Variants in ATIC observed in about 807,000 individuals in gnomAD.
ATIC encodes 5-aminoimidazole-4-carboxamide ribonucleotide formyltransferase/IMP cyclohydrolase, also known as bifunctional purine biosynthesis protein ATIC.
Under a neutral mutation model 72.5 loss-of-function variants are expected in ATIC, and 64 were observed. The ratio of observed to expected loss-of-function variants is 0.88; its 90% CI spans 0.72 to 1.09. The LOEUF (loss-of-function observed/expected upper bound fraction) is 1.09. ATIC is among the 50% of genes least tolerant of loss of function. The pLI is 0.00. For missense variants in ATIC, 787 were observed against 732.4 expected, an observed-to-expected ratio of 1.07 and a Z score of -0.86; for synonymous variants, 281 against 267.1, an observed-to-expected ratio of 1.05 and a Z score of -0.51.
At position 215,326,122 on chromosome 2, in the gene ATIC, G is replaced by T; in HGVS notation, c.515G>T (p.Arg172Leu). 2 of 1,614,008 alleles carry T rather than the reference G, an allele frequency of 1.2e-6. No individual in the cohort carries two copies. The highest frequency in any genetic ancestry group is 1.7e-6 in the Non-Finnish European group (2 of 1,179,948). ...AAGGACACCTCCTTGGAGACTAGAC[G>T]CCAGTTAGCCTTGAAGGTGGGATGC... Reference protein sequence around the residue: ...ESKDTSLETRRQLALKAFTHT... With the variant: ...ESKDTSLETRLQLALKAFTHT... Residue 172 changes from arginine (R) to leucine (L), a missense_variant, in exon 6 of 16, where the codon CGC becomes CTC. Physicochemically the swap from Arg to Leu is moderately radical, Grantham distance 102 (BLOSUM62 -2). Transcript: ENST00000236959.
chr2:215,315,442 G>C (rs1056970408), intron 2 of ATIC, among the ~76,000 whole-genome samples: 26 of 152,026 alleles, frequency 1.7e-4, no homozygotes, highest in African/African-American at 5.8e-4. Context: ...TTGCAGCCTC[G>C]ATCTCCCAGG....
the ATIC span, among the ~76,000 whole-genome samples, chr2:215,354,945 G>C: frequency 1.3e-5 from 2 of 152,090 alleles, no homozygotes; most frequent in Non-Finnish European, 2.9e-5. Flanking sequence ...GGACAGGATT[G>C]AATGAACCCC....
At chr2:215,312,301 G>A in intron 1 of ATIC, 140 bp downstream of exon 1, 1 of 1,448,532 alleles carries the variant, frequency 6.9e-7, no homozygotes. Flanking sequence ...TCCCCGGCCG[G>A]GCCGCAGCCT....
At chr2:215,360,397 A>G in the ATIC span, 1 of 152,218 alleles carries the variant, frequency 6.6e-6, no homozygotes, top group African/African-American at 2.4e-5. Flanking sequence ...GATGGGGGTT[A>G]TCATACCATG....
chr2:215,330,885 T>G (rs2052885238), intron 7 of ATIC, among the ~76,000 whole-genome samples: 1 of 152,148 alleles, frequency 6.6e-6, no homozygotes, highest in Admixed American at 6.6e-5. Flanking sequence ...TGTCAGATAG[T>G]TGGGATCATA....
rs2052821569 is a variant in ATIC at position 215,326,097 on chromosome 2, A to T, written c.490A>T (p.Lys164Ter). The part of the protein sequence containing the change: ...VSTEMQSSES[K>*]DTSLETRRQL... Reference sequence around the variant, plus strand: ...CACGGAGATGCAGAGCTCCGAGAGTAAGGACACCTCCTTGGAGACTAGACG... The same window carrying T: ...CACGGAGATGCAGAGCTCCGAGAGTTAGGACACCTCCTTGGAGACTAGACG... Residue 164 changes from lysine (K) to a stop codon, truncating the protein, a stop_gained, in exon 6 of 16, where the codon AAG (lysine) becomes TAG (stop). Transcript: ENST00000236959. LOFTEE classifies it high-confidence loss of function. 2 of 1,614,114 alleles carry T rather than the reference A, an allele frequency of 1.2e-6. No homozygotes were observed. Among genetic ancestry groups the T allele is most frequent in the Non-Finnish European group, 8.5e-7 (1 of 1,180,002 alleles).
At chr2:215,342,017 TC>T (rs11352914) in intron 12 of ATIC, among the ~76,000 whole-genome samples, 5,061 of 152,256 alleles carry the variant, frequency 0.033, 280 homozygotes, top group African/African-American at 0.12. Context: ...ACGCTTACTG[TC>T]AGATCTCATG....
chr2:215,361,362 T>C, the ATIC span: 2 of 646,094 alleles, frequency 3.1e-6, no homozygotes. Context: ...CCCTCATTTA[T>C]GAGAAAACCC....
intron 7 of ATIC, among the ~76,000 whole-genome samples, chr2:215,329,349 G>A (rs185657223): frequency 1.1e-4 from 16 of 152,256 alleles, no homozygotes; most frequent in East Asian, 9.6e-4. Context: ...CTGTGTGTGC[G>A]TTTCTTTTGA....
At chr2:215,331,738 T>G (rs1203519132) in intron 7 of ATIC, among the ~76,000 whole-genome samples, 1 of 152,060 alleles carries the variant, frequency 6.6e-6, no homozygotes, top group African/African-American at 2.4e-5. Flanking sequence ...CTGAACTTCT[T>G]ATGTTTATTC....
At chr2:215,363,652 A>G in the ATIC span, 6 of 152,224 alleles carry the variant, frequency 3.9e-5, no homozygotes, top group South Asian at 2.1e-4. Flanking sequence ...GCATTAACCA[A>G]TGAGTCTCAC....
intron 7 of ATIC, among the ~76,000 whole-genome samples, chr2:215,331,412 C>T (rs1367705371): frequency 7.3e-5 from 10 of 137,868 alleles, no homozygotes; most frequent in Admixed American, 4.8e-4. Context: ...GACGGAGTCT[C>T]GCTCTTGTTG....
chr2:215,359,379 T>C, the ATIC span, among the ~76,000 whole-genome samples: 1 of 151,176 alleles, frequency 6.6e-6, no homozygotes, highest in African/African-American at 2.5e-5. Flanking sequence ...TTGCAGCACA[T>C]GTGTCTCAGG....
intron 5 of ATIC, 42 bp from the exon 6 acceptor site, chr2:215,325,945 A>T (rs2052818999): frequency 1.2e-6 from 2 of 1,607,844 alleles, no homozygotes; most frequent in East Asian, 2.2e-5. Context: ...TCATAAGCTG[A>T]TAGGGACATA....
At chr2:215,361,342 C>A in the ATIC span, 30 of 594,008 alleles carry the variant, frequency 5.1e-5, no homozygotes, top group South Asian at 5.8e-4. Flanking sequence ...GCAGAACAGG[C>A]AATGTGCAGC....
chr2:215,313,122 C>T (rs1049702921), intron 2 of ATIC, among the ~76,000 whole-genome samples: 1 of 152,182 alleles, frequency 6.6e-6, no homozygotes, highest in Non-Finnish European at 1.5e-5. Context: ...TTAGCATCTT[C>T]TGCACAAGTT....
intron 4 of ATIC, among the ~76,000 whole-genome samples, chr2:215,323,167 G>A (rs966599815): frequency 2.8e-4 from 43 of 152,022 alleles, no homozygotes; most frequent in Admixed American, 1.0e-3. Flanking sequence ...GGATGGTCTC[G>A]ATCTCCTGAC....
intron 7 of ATIC, 131 bp downstream of exon 7, chr2:215,327,109 C>G: frequency 1.4e-6 from 2 of 1,447,920 alleles, no homozygotes; most frequent in African/African-American, 1.4e-5. Flanking sequence ...ATCTGATAAC[C>G]ATCTGGTTTG....
At chr2:215,338,666 A>T in intron 11 of ATIC, 113 bp from the exon 12 acceptor site, 1 of 1,139,606 alleles carries the variant, frequency 8.8e-7, no homozygotes, top group Non-Finnish European at 1.2e-6. Flanking sequence ...ACTGTAAAAA[A>T]TTAGAAACAT....
Sources: allele counts gnomAD v4.1 joint callset (sites outside exome capture counted in the v4.1 genomes callset), GRCh38; gene constraint gnomAD v4.1.1; transcripts MANE v1.5; gene names NCBI Gene and HGNC (gene_info 2026-07-23, HGNC 2026-07-21).